Variants in ST3GAL2 observed in about 807,000 individuals in gnomAD.
ST3GAL2 encodes the protein CMP-N-acetylneuraminate-beta-galactosamide-alpha-2,3-sialyltransferase 2.
In ST3GAL2, 16 loss-of-function variants were observed where a neutral mutation model predicts 37.5. That is an observed-to-expected ratio of 0.43 (90% confidence interval 0.29 to 0.65). The LOEUF (loss-of-function observed/expected upper bound fraction) is 0.65. Among genes scored for constraint, ST3GAL2 ranks in the 30% least tolerant of loss-of-function variants. The pLI, the probability that ST3GAL2 is intolerant of heterozygous loss-of-function variation, is 0.17. For synonymous variants in ST3GAL2, 238 were observed against 202.9 expected, an observed-to-expected ratio of 1.17 and a Z score of -1.47; for missense variants, 383 against 487.8, an observed-to-expected ratio of 0.79 and a Z score of 2.02.
chr16:70,432,603 A>T (rs891406265), intron 1 of ST3GAL2, among the ~76,000 whole-genome samples: 2 of 152,240 alleles, frequency 1.3e-5, no homozygotes, highest in African/African-American at 4.8e-5. Context: ...GTCCCTGATG[A>T]GCATGGCATA....
At chr16:70,426,908 C>T (rs1216635549) in intron 1 of ST3GAL2, among the ~76,000 whole-genome samples, 4 of 151,328 alleles carry the variant, frequency 2.6e-5, no homozygotes, top group East Asian at 2.0e-4. Flanking sequence ...AGTGCAGTGG[C>T]GCAAAAATGG....
chr16:70,431,462 C>A (rs898573281), intron 1 of ST3GAL2, among the ~76,000 whole-genome samples: 1 of 152,172 alleles, frequency 6.6e-6, no homozygotes, highest in Non-Finnish European at 1.5e-5. Flanking sequence ...ATGCCACCTC[C>A]CAGGAGGACG....
intron 1 of ST3GAL2, among the ~76,000 whole-genome samples, chr16:70,401,858 G>C (rs1485702149): frequency 6.6e-6 from 1 of 151,908 alleles, no homozygotes. Flanking sequence ...GCCAGGCGTT[G>C]TGGTGGCCAC....
intron 1 of ST3GAL2, among the ~76,000 whole-genome samples, chr16:70,420,259 C>T (rs568968896): frequency 7.2e-5 from 11 of 152,076 alleles, no homozygotes; most frequent in Admixed American, 5.9e-4. Context: ...TATGGCAGTT[C>T]GTGGGCTAAA....
In ST3GAL2 at chr16:70,386,952, GT is replaced by G. The variant is rs1297375934; in HGVS notation, c.713+1414del. Among the ~76,000 whole-genome samples the G allele has an allele frequency of 3.3e-5, 5 of 150,998 alleles. No homozygotes were observed. In the East Asian group the frequency reaches 1.0e-3, roughly 30 times the overall value. On this transcript the variant is annotated intron_variant, in intron 4 of 6. Coordinates refer to ENST00000342907, the MANE Select transcript of ST3GAL2 (RefSeq NM_006927.4). Reference sequence around the variant, plus strand: ...AGCCGCAGTGCCCGGCCATGAAAATGTTTTAAAATTAATTGTGGGGCCGGGT... The same window carrying G: ...AGCCGCAGTGCCCGGCCATGAAAATGTTTAAAATTAATTGTGGGGCCGGGT...
At position 70,377,980 on chromosome 16, in the gene ST3GAL2, T is replaced by A. The variant is rs2047362176; in HGVS notation, c.*3709A>T. On this transcript the variant is annotated 3_prime_UTR_variant, in exon 7 of 7. Coordinates refer to ENST00000342907, the MANE Select transcript of ST3GAL2 (RefSeq NM_006927.4). The stretch of plus-strand genomic sequence containing the variant: ...CGTCACTAAAGCTATGGGAAAGGAA[T>A]GAAAAAGGTATCAACTCACATGGGC... 1 of 151,876 alleles carries A rather than the reference T, an allele frequency of 6.6e-6. No homozygotes were observed. Among genetic ancestry groups the A allele is most frequent in the Admixed American group, 6.6e-5 (1 of 15,214 alleles). The allele number at this position is 151,876 out of a possible 1,614,324, so 9.4% of individuals were successfully genotyped here.
In ST3GAL2 at chr16:70,380,516, A is replaced by C. The variant is rs373618066; in HGVS notation, c.*1173T>G. The C allele has an allele frequency of 6.6e-6, 1 of 152,296 alleles. No individual in the cohort carries two copies. The highest frequency in any genetic ancestry group is 2.4e-5 in the African/African-American group (1 of 41,464). 9.4% of individuals were successfully genotyped at this position (152,296 alleles called of 1,614,324 possible). Reference sequence around the variant, plus strand: ...GGGTTCAGCCATGCAAGCAGCTTCCAGGTGGAACCCCGGCCGCGAGCTTCC... The same window carrying C: ...GGGTTCAGCCATGCAAGCAGCTTCCCGGTGGAACCCCGGCCGCGAGCTTCC... On this transcript the variant is annotated 3_prime_UTR_variant, in exon 7 of 7. Coordinates refer to ENST00000342907, the MANE Select transcript of ST3GAL2 (RefSeq NM_006927.4).
chr16:70,402,815 A>T (rs1336035755), intron 1 of ST3GAL2, among the ~76,000 whole-genome samples: 4 of 152,022 alleles, frequency 2.6e-5, no homozygotes, highest in African/African-American at 7.2e-5. Flanking sequence ...ACACCCAGCT[A>T]ATTTTTTGTA....
chr16:70,400,860 G>A (rs1270312946), intron 1 of ST3GAL2: 2 of 152,332 alleles, frequency 1.3e-5, no homozygotes, highest in South Asian at 2.1e-4. Context: ...GGCCTCATCA[G>A]GGCTCCTGGC....
Position 70,381,720 on chromosome 16 carries a change from G to A in ST3GAL2, c.1022C>T (p.Ala341Val), listed in dbSNP as rs541204764. ...GCCCCGGTAGACTTCGATCTTGCTG[G>A]CCTTGGCCAGCATGTCGATGATGTG... ...EAHIIDMLAK[A>V]SKIEVYRGN Residue 341 changes from alanine to valine, a missense_variant, in exon 7 of 7, where the codon GCC becomes GTC. Ala to Val is a moderately conservative substitution (Grantham distance 64, BLOSUM62 0). This residue lies in a region of ST3GAL2 where 160 missense variants were observed against 248.6 expected (regional missense o/e 0.64). Transcript: ENST00000342907. 4 of 1,614,000 alleles carry A rather than the reference G, an allele frequency of 2.5e-6. No individual in the cohort carries two copies. In the South Asian group the frequency reaches 4.4e-5, roughly 18 times the overall value.
intron 3 of ST3GAL2, among the ~76,000 whole-genome samples, chr16:70,391,990 C>T (rs1316515347): frequency 6.6e-6 from 1 of 152,224 alleles, no homozygotes; most frequent in African/African-American, 2.4e-5. Context: ...CACAGGGCTG[C>T]AGCCAGCCCA....
chr16:70,438,336 G>C (rs539722862), intron 1 of ST3GAL2, among the ~76,000 whole-genome samples: 45 of 152,268 alleles, frequency 3.0e-4, no homozygotes, highest in African/African-American at 1.1e-3. Context: ...GGAGAGAGGA[G>C]AGACGAGGTT....
chr16:70,428,713 G>A (rs2151679652), intron 1 of ST3GAL2, among the ~76,000 whole-genome samples: 1 of 152,270 alleles, frequency 6.6e-6, no homozygotes, highest in South Asian at 2.1e-4. Context: ...TGGTATGTGT[G>A]GCCTTTTCCT....
chr16:70,392,561 G>A (rs1466457910), intron 3 of ST3GAL2, among the ~76,000 whole-genome samples: 1 of 152,184 alleles, frequency 6.6e-6, no homozygotes, highest in African/African-American at 2.4e-5. Flanking sequence ...GTTGTGGATG[G>A]ATCTGCTGGC....
chr16:70,395,754 G>A (rs1459022276), intron 2 of ST3GAL2, among the ~76,000 whole-genome samples: 1 of 152,136 alleles, frequency 6.6e-6, no homozygotes, highest in Non-Finnish European at 1.5e-5. Context: ...CATGAAACGA[G>A]GCAGCACCAA....
chr16:70,428,901 T>C (rs1567678055), intron 1 of ST3GAL2, among the ~76,000 whole-genome samples: 1 of 152,034 alleles, frequency 6.6e-6, no homozygotes, highest in Non-Finnish European at 1.5e-5. Flanking sequence ...GAGCACAGGA[T>C]GTAAAAGGGT....
rs1296494935 is a variant in ST3GAL2 at position 70,379,521 on chromosome 16, C to T, written c.*2168G>A. The T allele has an allele frequency of 6.6e-6, 1 of 152,142 alleles. No individual in the cohort carries two copies. The highest frequency in any genetic ancestry group is 2.4e-5 in the African/African-American group (1 of 41,428). 9.4% of individuals were successfully genotyped at this position (152,142 alleles called of 1,614,324 possible). A position where few individuals can be genotyped will look rare whatever the true frequency, so the allele number is the denominator to read the frequency against. ...ATGAAGGACTAGACAGTTTTTTGTT[C>T]CTTTTAATTCAGAAAGGGAAGGAAA... On this transcript the variant is annotated 3_prime_UTR_variant, in exon 7 of 7. Coordinates refer to ENST00000342907, the MANE Select transcript of ST3GAL2 (RefSeq NM_006927.4).
At chr16:70,438,673 G>A (rs1013448308) in intron 1 of ST3GAL2, among the ~76,000 whole-genome samples, 1 of 152,232 alleles carries the variant, frequency 6.6e-6, no homozygotes, top group East Asian at 1.9e-4. Flanking sequence ...CTGGGGTTGG[G>A]GTTGGGGGCT....
intron 4 of ST3GAL2, among the ~76,000 whole-genome samples, chr16:70,387,867 C>A (rs1382954107): frequency 6.6e-6 from 1 of 152,144 alleles, no homozygotes; most frequent in Non-Finnish European, 1.5e-5. Flanking sequence ...ATAATCCCAG[C>A]ACTTTGGGAG....
Sources: gnomAD v4.1 joint callset for allele counts (sites outside exome capture counted in the v4.1 genomes callset) on GRCh38, gnomAD v4.1.1 for gene constraint, gnomAD v4.1.1 regional missense constraint, MANE v1.5 for transcripts, NCBI Gene and HGNC (gene_info 2026-07-23, HGNC 2026-07-21) for gene names.